Variants in ITSN1 observed in about 807,000 individuals in gnomAD.
ITSN1 encodes the protein intersectin-1.
In ITSN1, 58 loss-of-function variants were observed where a neutral mutation model predicts 239.8. The ratio of observed to expected loss-of-function variants is 0.24; its 90% CI spans 0.20 to 0.30. ITSN1 has a LOEUF of 0.30. ITSN1 is among the 10% of genes least tolerant of loss of function. The probability of loss-of-function intolerance (pLI) is 1.00; values close to 1 mark genes in which losing one functional copy is unlikely to be tolerated. For synonymous variants in ITSN1, 780 were observed against 770.8 expected, an observed-to-expected ratio of 1.01 and a Z score of -0.20; for missense variants, 1,558 against 2,103.3, an observed-to-expected ratio of 0.74 and a Z score of 5.07.
intron 11 of ITSN1, among the ~76,000 whole-genome samples, chr21:33,771,687 C>T (rs1022919705): frequency 2.6e-5 from 4 of 152,012 alleles, no homozygotes; most frequent in African/African-American, 4.8e-5. Flanking sequence ...CTCATCAGCA[C>T]GGTTACAAGG....
intron 20 of ITSN1, among the ~76,000 whole-genome samples, chr21:33,808,592 A>AG (rs903915748): frequency 1.8e-4 from 28 of 152,306 alleles, no homozygotes; most frequent in Admixed American, 7.2e-4. Context: ...TCTCAAAAAA[A>AG]AAAAAAAGCT....
intron 20 of ITSN1, among the ~76,000 whole-genome samples, chr21:33,807,300 T>C (rs535348300): frequency 2.0e-5 from 3 of 152,232 alleles, no homozygotes; most frequent in African/African-American, 7.2e-5. Context: ...CTGGGTGTTA[T>C]CAGTTTACTG....
chr21:33,781,021 C>T (rs56982362), intron 14 of ITSN1, among the ~76,000 whole-genome samples: 3,751 of 152,230 alleles, frequency 0.025, 165 homozygotes, highest in African/African-American at 0.086. Flanking sequence ...TACGGTAAAC[C>T]TAAGTTCAGC....
At chr21:33,798,198 A>G (rs1368167226) in intron 18 of ITSN1, among the ~76,000 whole-genome samples, 2 of 152,058 alleles carry the variant, frequency 1.3e-5, no homozygotes, top group South Asian at 2.1e-4. Context: ...CTTGGGTTCA[A>G]GCAATCCTCC....
At position 33,693,234 on chromosome 21, in the gene ITSN1, A is replaced by G. The variant is rs139257734; in HGVS notation, c.-32-25563A>G. On this transcript the variant is annotated intron_variant, in intron 1 of 39. Transcript: ENST00000381318. ...TTTTATTCAATTTTCTAAGAAAAGT[A>G]AAAAATCAGATACATAGCCGCTCTT... Among the ~76,000 whole-genome samples the G allele has an allele frequency of 5.9e-5, 9 of 152,372 alleles. No homozygotes were observed. In the East Asian group the frequency reaches 1.7e-3, roughly 29 times the overall value.
intron 1 of ITSN1, among the ~76,000 whole-genome samples, chr21:33,710,722 T>C (rs1036442646): frequency 6.6e-6 from 1 of 151,880 alleles, no homozygotes; most frequent in African/African-American, 2.4e-5. Context: ...TTTGTAAAAC[T>C]TTTCATAATT....
chr21:33,679,065 T>C (rs1407364120), intron 1 of ITSN1, among the ~76,000 whole-genome samples: 2 of 152,248 alleles, frequency 1.3e-5, no homozygotes, highest in Non-Finnish European at 2.9e-5. Flanking sequence ...CATGTTGAAT[T>C]ACCTACCATA....
At chr21:33,663,778 A>G (rs2089730111) in intron 1 of ITSN1, among the ~76,000 whole-genome samples, 3 of 152,046 alleles carry the variant, frequency 2.0e-5, no homozygotes, top group Non-Finnish European at 2.9e-5. Context: ...AATTTTTTGT[A>G]TTTTTAGTAG....
At chr21:33,883,766 A>T in intron 36 of ITSN1, 95 bp downstream of exon 36, 1 of 1,453,128 alleles carries the variant, frequency 6.9e-7, no homozygotes, top group Non-Finnish European at 9.4e-7. Flanking sequence ...ATGTTTCCCA[A>T]GTGGCAATGC....
intron 4 of ITSN1, among the ~76,000 whole-genome samples, chr21:33,731,673 A>G (rs936378673): frequency 1.8e-4 from 27 of 152,234 alleles, no homozygotes; most frequent in African/African-American, 6.5e-4. Flanking sequence ...TATCAACATT[A>G]GTCATTATTT....
At position 33,642,952 on chromosome 21, in the gene ITSN1, G is replaced by A. The variant is rs2145999212; in HGVS notation, c.-33+239G>A. 2.0e-5 allele frequency among the ~76,000 whole-genome samples: 3 copies of A among 150,774 alleles called. 1 individual carries two copies. In the South Asian group the frequency reaches 6.2e-4, roughly 31 times the overall value. ...AGTGGCGGGCGGACCCGCACTGGGA[G>A]GCCGGGGGCCGCGGTGGGCCGTGGG... On this transcript the variant is annotated intron_variant, in intron 1 of 39. Coordinates refer to ENST00000381318, the MANE Select transcript of ITSN1 (RefSeq NM_003024.3).
At chr21:33,854,192 A>C (rs1468513704) in intron 29 of ITSN1, among the ~76,000 whole-genome samples, 1 of 152,234 alleles carries the variant, frequency 6.6e-6, no homozygotes, top group Non-Finnish European at 1.5e-5. Flanking sequence ...AGATTCTTCA[A>C]GGCAACTGTG....
intron 31 of ITSN1, among the ~76,000 whole-genome samples, chr21:33,864,186 G>T (rs186220636): frequency 9.9e-4 from 150 of 152,284 alleles, no homozygotes; most frequent in Non-Finnish European, 1.8e-3. Flanking sequence ...AGCAGCCAAA[G>T]GCATTCAATA....
chr21:33,886,508 T>G lies in ITSN1; in HGVS notation c.5017+48T>G, dbSNP rs753971800. 10 of 1,456,918 alleles carry G rather than the reference T, an allele frequency of 6.9e-6. No homozygotes were observed. In the South Asian group the frequency reaches 1.4e-4, roughly 20 times the overall value. The allele number at this position is 1,456,918 out of a possible 1,614,324, so 90.2% of individuals were successfully genotyped here. On this transcript the variant is annotated intron_variant, in intron 39 of 39. Transcript: ENST00000381318. ...GTTATTCCTCCTTCCCTGGCACTCG[T>G]TTGCGTGGGTTAATGTTTTCTTACC...
In ITSN1 at chr21:33,894,237, T is replaced by A. The variant is rs946324103; in HGVS notation, c.*5937T>A. ...AAAAGAGTTCATATCCACCTCCCAA[T>A]AACTTCTTTAGTTCCATGCAGCCTC... On this transcript the variant is annotated 3_prime_UTR_variant, in exon 40 of 40. Coordinates refer to ENST00000381318, the MANE Select transcript of ITSN1 (RefSeq NM_003024.3). 1.3e-5 allele frequency: 2 copies of A among 152,192 alleles called. No homozygotes were observed. Among genetic ancestry groups the A allele is most frequent in the Non-Finnish European group, 2.9e-5 (2 of 68,024 alleles). The allele number at this position is 152,192 out of a possible 1,614,324, so 9.4% of individuals were successfully genotyped here. A position where few individuals can be genotyped will look rare whatever the true frequency, so the allele number is the denominator to read the frequency against.
rs2074175091 is a variant in ITSN1 at position 33,829,610 on chromosome 21, A to G, written c.3230-14A>G. ...TCTTAACAGTGCACTGCCGTGTTTG[A>G]TCTTGTTTTTCAGAAATTGCCCAGG... On this transcript the variant is annotated splice_polypyrimidine_tract_variant and intron_variant, in intron 26 of 39. Coordinates refer to ENST00000381318, the MANE Select transcript of ITSN1 (RefSeq NM_003024.3). 5.0e-6 allele frequency: 8 copies of G among 1,611,720 alleles called. No homozygotes were observed. Among genetic ancestry groups the G allele is most frequent in the South Asian group, 1.1e-5 (1 of 90,978 alleles).
At chr21:33,729,345 A>C (rs551169582) in intron 4 of ITSN1, among the ~76,000 whole-genome samples, 4 of 151,920 alleles carry the variant, frequency 2.6e-5, no homozygotes, top group African/African-American at 9.7e-5. Context: ...AGCTACTCAG[A>C]GGATGGGGTG....
chr21:33,820,066 A>AC (rs1171806622), intron 24 of ITSN1, among the ~76,000 whole-genome samples: 1 of 152,262 alleles, frequency 6.6e-6, no homozygotes, highest in Non-Finnish European at 1.5e-5. Context: ...TGCCATCTGT[A>AC]CCATCCCAAA....
intron 22 of ITSN1, among the ~76,000 whole-genome samples, chr21:33,815,841 T>C (rs2073228914): frequency 6.6e-6 from 1 of 151,830 alleles, no homozygotes; most frequent in Non-Finnish European, 1.5e-5. Flanking sequence ...CTGGAGGGGC[T>C]GCGGAGTGTA....
Sources: gnomAD v4.1 joint callset for allele counts (sites outside exome capture counted in the v4.1 genomes callset) on GRCh38, gnomAD v4.1.1 for gene constraint, MANE v1.5 for transcripts, NCBI Gene and HGNC (gene_info 2026-07-23, HGNC 2026-07-21) for gene names.